Variants in ROBO2 observed in about 807,000 individuals in gnomAD.
ROBO2 encodes roundabout guidance receptor 2, also known as roundabout homolog 2.
In ROBO2, 53 loss-of-function variants were observed where a neutral mutation model predicts 160.8. The observed-to-expected ratio is 0.33, with a 90% CI of 0.26 to 0.41. ROBO2 has a LOEUF of 0.41. Ranked by LOEUF, ROBO2 falls within the 10% of genes least tolerant of loss-of-function variation. The pLI is 1.00. For missense variants in ROBO2, 1,577 were observed against 1,722.4 expected (o/e 0.92, Z 1.49); for synonymous variants, 664 against 611.7 (o/e 1.09, Z -1.26).
At chr3:77,060,401 C>T (rs555932851) in intron 1 of ROBO2, among the ~76,000 whole-genome samples, 2 of 152,252 alleles carry the variant, frequency 1.3e-5, no homozygotes, top group South Asian at 2.1e-4. Flanking sequence ...AAATAAAACT[C>T]GAGAACAATG....
At chr3:75,982,543 A>G (rs773735007) in intron 2 of ROBO2, among the ~76,000 whole-genome samples, 5 of 151,696 alleles carry the variant, frequency 3.3e-5, no homozygotes, top group Admixed American at 1.3e-4. Flanking sequence ...ACATCTTTTC[A>G]TAGGCTTGTT....
intron 2 of ROBO2, among the ~76,000 whole-genome samples, chr3:76,455,372 T>C (rs1401791594): frequency 6.6e-6 from 1 of 152,118 alleles, no homozygotes; most frequent in African/African-American, 2.4e-5. Flanking sequence ...TTATAATTCT[T>C]TTTCATATGG....
In ROBO2 at chr3:76,127,527, A is replaced by G. The variant is rs2071035967; in HGVS notation, c.109+189925A>G. ...CTGTGATATAGTTGGACACGTTTAT[A>G]TAGAAAACAAATGAATATTAATTAT... On this transcript the variant is annotated intron_variant, in intron 2 of 26. Transcript: ENST00000487694. 2.6e-5 allele frequency among the ~76,000 whole-genome samples: 4 copies of G among 152,130 alleles called. No homozygotes were observed. In the South Asian group the frequency reaches 8.3e-4, roughly 31 times the overall value.
intron 15 of ROBO2, among the ~76,000 whole-genome samples, chr3:77,578,441 T>G (rs763338075): frequency 6.6e-6 from 1 of 152,046 alleles, no homozygotes; most frequent in Non-Finnish European, 1.5e-5. Context: ...TCTAATATAA[T>G]ACAAAACTAG....
chr3:76,055,088 G>A (rs1324085030), intron 2 of ROBO2, among the ~76,000 whole-genome samples: 6 of 152,158 alleles, frequency 3.9e-5, no homozygotes, highest in African/African-American at 1.4e-4. Flanking sequence ...AGGCGAATGA[G>A]GAGCAAAGTC....
intron 2 of ROBO2, among the ~76,000 whole-genome samples, chr3:77,219,263 C>T (rs570658424): frequency 1.5e-4 from 23 of 151,836 alleles, no homozygotes; most frequent in Admixed American, 1.1e-3. Context: ...CGTGAGCCAC[C>T]GCACTGGGCC....
chr3:76,223,799 A>G (rs1480357791), intron 2 of ROBO2, among the ~76,000 whole-genome samples: 1 of 152,206 alleles, frequency 6.6e-6, no homozygotes, highest in African/African-American at 2.4e-5. Context: ...TTCTAAGCTA[A>G]TTCTTTGATC....
chr3:76,843,029 A>G (rs981537396), intron 2 of ROBO2, among the ~76,000 whole-genome samples: 10 of 152,054 alleles, frequency 6.6e-5, no homozygotes, highest in Non-Finnish European at 1.5e-4. Context: ...ACAAAAACAA[A>G]TGTTGTTTGT....
intron 2 of ROBO2, among the ~76,000 whole-genome samples, chr3:76,228,363 A>G (rs1195778516): frequency 1.3e-5 from 2 of 152,220 alleles, no homozygotes; most frequent in Non-Finnish European, 2.9e-5. Context: ...AGGTTCAGCC[A>G]GAAACTTGGT....
intron 2 of ROBO2, among the ~76,000 whole-genome samples, chr3:76,184,933 G>A (rs1701673412): frequency 6.6e-6 from 1 of 151,758 alleles, no homozygotes; most frequent in South Asian, 2.1e-4. Context: ...AGATTGGATA[G>A]TGCCTTCCCA....
intron 2 of ROBO2, among the ~76,000 whole-genome samples, chr3:76,036,232 C>G (rs967156131): frequency 6.6e-6 from 1 of 151,888 alleles, no homozygotes; most frequent in Non-Finnish European, 1.5e-5. Context: ...TCACTGCAAC[C>G]GCCGCCTCCC....
rs201554022 is a variant in ROBO2, at chr3:77,130,012, A to AT, written c.388+31681dup. Among the ~76,000 whole-genome samples, 707 of 151,694 alleles carry AT rather than the reference A, an allele frequency of 4.7e-3. 3 individuals are homozygous for AT. Among genetic ancestry groups the AT allele is most frequent in the East Asian group, 0.016 (83 of 5,158 alleles). On this transcript the variant is annotated intron_variant, in intron 2 of 25. Coordinates refer to ENST00000461745, the Ensembl canonical transcript of ROBO2. The stretch of plus-strand genomic sequence containing the variant: ...GAGAAGACAACGCTTCAAAACAACA[A>AT]TTTTTTTTTATTATTGCTCAGATCT...
At chr3:77,366,647 G>C (rs1053355657) in intron 2 of ROBO2, among the ~76,000 whole-genome samples, 1 of 152,130 alleles carries the variant, frequency 6.6e-6, no homozygotes, top group African/African-American at 2.4e-5. Context: ...AGTTCTGAAG[G>C]CTGTACAAGA....
chr3:76,523,011 TATATA>T (rs985145966), intron 2 of ROBO2, among the ~76,000 whole-genome samples: 7 of 148,054 alleles, frequency 4.7e-5, no homozygotes, highest in South Asian at 2.1e-4. Flanking sequence ...ACATATAAAA[TATATA>T]ATATATTTTA....
chr3:76,869,538 A>G (rs1426129145), intron 2 of ROBO2, among the ~76,000 whole-genome samples: 12 of 151,320 alleles, frequency 7.9e-5, no homozygotes, highest in Admixed American at 1.3e-4. Context: ...TTTAGTGGAG[A>G]CGGGGTTTCA....
At chr3:77,608,065 C>T in intron 21 of ROBO2, 111 bp downstream of exon 22, 1 of 965,030 alleles carries the variant, frequency 1.0e-6, no homozygotes, top group Non-Finnish European at 1.6e-6. Context: ...CCCCCACCAC[C>T]ATGTTCATTG....
intron 2 of ROBO2, among the ~76,000 whole-genome samples, chr3:76,974,832 A>C (rs2059734786): frequency 6.6e-6 from 1 of 152,140 alleles, no homozygotes; most frequent in South Asian, 2.1e-4. Context: ...GGTTTATTTC[A>C]GTTGGCTAAA....
At chr3:77,267,805 C>CTCTCT (rs2059235411) in intron 2 of ROBO2, among the ~76,000 whole-genome samples, 1 of 152,114 alleles carries the variant, frequency 6.6e-6, no homozygotes, top group Admixed American at 6.5e-5. Context: ...TTTGCCTCCG[C>CTCTCT]TCTCTTCCTC....
intron 2 of ROBO2, among the ~76,000 whole-genome samples, chr3:77,473,148 A>T (rs1158600550): frequency 6.6e-6 from 1 of 152,036 alleles, no homozygotes; most frequent in Non-Finnish European, 1.5e-5. Flanking sequence ...GGTTTAGAGG[A>T]TTGGTTGGGG....
Sources: gnomAD v4.1 joint callset for allele counts (sites outside exome capture counted in the v4.1 genomes callset) on GRCh38, gnomAD v4.1.1 for gene constraint, MANE v1.5 for transcripts, NCBI Gene and HGNC (gene_info 2026-07-23, HGNC 2026-07-21) for gene names.